The following CNTN4 variants were observed in gnomAD, a reference collection of about 807,000 sequenced individuals.
The protein encoded by CNTN4 is contactin 4.
A neutral mutation model predicts 122.5 loss-of-function variants in CNTN4; 77 were observed. That is an observed-to-expected ratio of 0.63 (90% CI 0.52 to 0.76). CNTN4 has a LOEUF of 0.76. Ranked by LOEUF, CNTN4 falls within the 30% of genes least tolerant of loss-of-function variation. The pLI is 0.00. For synonymous variants in CNTN4, 512 were observed against 447.0 expected, an observed-to-expected ratio of 1.15 and a Z score of -1.83; for missense variants, 1,256 against 1,259.1, an observed-to-expected ratio of 1.00 and a Z score of 0.04.
intron 2 of CNTN4, among the ~76,000 whole-genome samples, chr3:2,139,916 C>T (rs1375734915): frequency 5.3e-5 from 8 of 152,232 alleles, no homozygotes; most frequent in African/African-American, 1.9e-4. Context: ...CAAATTTAAT[C>T]TTGAATTGTA....
chr3:2,432,232 C>T (rs2048100287), intron 3 of CNTN4, among the ~76,000 whole-genome samples: 1 of 152,230 alleles, frequency 6.6e-6, no homozygotes, highest in African/African-American at 2.4e-5. Context: ...AACTAACTCT[C>T]CCTTTCTCCC....
chr3:2,287,718 GAAGAAGAAGAAGAA>G (rs757505782), intron 2 of CNTN4, among the ~76,000 whole-genome samples: 1,011 of 74,732 alleles, frequency 0.014, 16 homozygotes, highest in African/African-American at 0.016. Context: ...AGAGGAAGAA[GAAGAAGAAGAAGAA>G]GAAGAAGAAG....
At chr3:2,411,057 C>T (rs1480474017) in intron 3 of CNTN4, among the ~76,000 whole-genome samples, 1 of 152,158 alleles carries the variant, frequency 6.6e-6, no homozygotes, top group South Asian at 2.1e-4. Flanking sequence ...AATACACTCT[C>T]TTCTGTGGTT....
chr3:2,113,173 G>A (rs539839542), intron 2 of CNTN4, among the ~76,000 whole-genome samples: 3 of 152,262 alleles, frequency 2.0e-5, no homozygotes, highest in Non-Finnish European at 2.9e-5. Flanking sequence ...CAACTGAAGC[G>A]GGTGGAAGGG....
chr3:2,426,151 G>T (rs996163135), intron 3 of CNTN4, among the ~76,000 whole-genome samples: 6 of 152,046 alleles, frequency 3.9e-5, no homozygotes, highest in Admixed American at 2.0e-4. Flanking sequence ...GTGCCAGTTT[G>T]CAAACGAAAT....
At chr3:2,669,269 G>T (rs561458479) in intron 4 of CNTN4, among the ~76,000 whole-genome samples, 4 of 152,224 alleles carry the variant, frequency 2.6e-5, no homozygotes, top group East Asian at 3.9e-4. Context: ...CAATTTCAGA[G>T]CCTGTTATTG....
chr3:2,710,356 T>C (rs1450746605), intron 4 of CNTN4, among the ~76,000 whole-genome samples: 2 of 152,212 alleles, frequency 1.3e-5, no homozygotes, highest in African/African-American at 4.8e-5. Flanking sequence ...AGGAATAATA[T>C]TAACTGTGCA....
At chr3:2,399,410 T>C (rs1403911723) in intron 3 of CNTN4, among the ~76,000 whole-genome samples, 1 of 152,082 alleles carries the variant, frequency 6.6e-6, no homozygotes, top group Non-Finnish European at 1.5e-5. Context: ...TTTTTGTTGT[T>C]GTTTGTTTCT....
At chr3:2,552,865 A>G (rs78746066) in intron 3 of CNTN4, among the ~76,000 whole-genome samples, 1 of 152,160 alleles carries the variant, frequency 6.6e-6, no homozygotes, top group African/African-American at 2.4e-5. Flanking sequence ...TTGACTGCAG[A>G]TGGTCTATGA....
chr3:2,221,411 A>T (rs986689537), intron 2 of CNTN4, among the ~76,000 whole-genome samples: 2 of 152,018 alleles, frequency 1.3e-5, no homozygotes, highest in African/African-American at 4.8e-5. Flanking sequence ...TTTAAAATTA[A>T]TTACAAATCA....
At chr3:2,613,597 G>A (rs1017687852) in intron 4 of CNTN4, among the ~76,000 whole-genome samples, 6 of 151,754 alleles carry the variant, frequency 4.0e-5, no homozygotes, top group Admixed American at 1.3e-4. Context: ...GTACTTTTTG[G>A]GCAATATAAG....
chr3:2,877,062 T>A (rs1224771241), intron 8 of CNTN4, among the ~76,000 whole-genome samples: 1 of 152,164 alleles, frequency 6.6e-6, no homozygotes, highest in Admixed American at 6.6e-5. Context: ...AACCATTGTT[T>A]TAGGAAAAAT....
chr3:2,783,518 G>A (rs2091690837), intron 6 of CNTN4, among the ~76,000 whole-genome samples: 4 of 152,204 alleles, frequency 2.6e-5, no homozygotes, highest in Admixed American at 2.6e-4. Context: ...TGAAGTAGGA[G>A]CCAAAGGAAG....
chr3:2,502,769 G>A (rs1434443960), intron 3 of CNTN4, among the ~76,000 whole-genome samples: 1 of 152,122 alleles, frequency 6.6e-6, no homozygotes, highest in African/African-American at 2.4e-5. Context: ...CTTATCTGAG[G>A]ACACGACTAA....
At chr3:2,441,261 G>A (rs1033367454) in intron 3 of CNTN4, among the ~76,000 whole-genome samples, 1 of 152,128 alleles carries the variant, frequency 6.6e-6, no homozygotes, top group East Asian at 1.9e-4. Flanking sequence ...CTCCATTATT[G>A]GGATGAGTGG....
At chr3:2,305,305 G>T (rs978539571) in intron 2 of CNTN4, among the ~76,000 whole-genome samples, 1 of 152,136 alleles carries the variant, frequency 6.6e-6, no homozygotes, top group Admixed American at 6.5e-5. Context: ...ACAACTGAGA[G>T]GGTTAATTGT....
intron 2 of CNTN4, among the ~76,000 whole-genome samples, chr3:2,132,649 T>C (rs2034506438): frequency 6.6e-6 from 1 of 152,190 alleles, no homozygotes; most frequent in Non-Finnish European, 1.5e-5. Context: ...TTGGCCAGCA[T>C]CCAAGATTGT....
intron 13 of CNTN4, among the ~76,000 whole-genome samples, chr3:2,934,613 C>T (rs957192150): frequency 6.6e-6 from 1 of 152,236 alleles, no homozygotes; most frequent in African/African-American, 2.4e-5. Flanking sequence ...CATTCTGTCT[C>T]TGTTCTGGAG....
intron 2 of CNTN4, among the ~76,000 whole-genome samples, chr3:2,317,844 C>T (rs2043157507): frequency 6.6e-6 from 1 of 152,142 alleles, no homozygotes; most frequent in South Asian, 2.1e-4. Flanking sequence ...GAGCTGGCAT[C>T]CCTTTTTTTC....
Sources: gnomAD v4.1 joint callset for allele counts (sites outside exome capture counted in the v4.1 genomes callset) on GRCh38, gnomAD v4.1.1 for gene constraint, MANE v1.5 for transcripts, NCBI Gene and HGNC (gene_info 2026-07-23, HGNC 2026-07-21) for gene names.